The following PIK3C2G variants were observed in gnomAD, a reference collection of about 807,000 sequenced individuals.
PIK3C2G encodes phosphatidylinositol 3-kinase C2 domain-containing subunit gamma.
In PIK3C2G, 168 loss-of-function variants were observed where a neutral mutation model predicts 181.1. The observed-to-expected ratio is 0.93, with a 90% confidence interval of 0.82 to 1.05. The LOEUF (loss-of-function observed/expected upper bound fraction) is 1.05, where lower values mean the gene tolerates loss of function less well. Among genes scored for constraint, PIK3C2G ranks in the 50% least tolerant of loss-of-function variants. The pLI, the probability that PIK3C2G is intolerant of heterozygous loss-of-function variation, is 0.00. For synonymous variants in PIK3C2G, 573 were observed against 592.2 expected, an observed-to-expected ratio of 0.97 and a Z score of 0.47; for missense variants, 1,869 against 1,732.8, an observed-to-expected ratio of 1.08 and a Z score of -1.40.
chr12:18,314,062 A>C lies in PIK3C2G; in HGVS notation c.1135A>C (p.Lys379Gln). The C allele has an allele frequency of 6.6e-7, 1 of 1,506,836 alleles. No homozygotes were observed. Among genetic ancestry groups the C allele is most frequent in the Non-Finnish European group, 9.1e-7 (1 of 1,097,220 alleles). 93.3% of individuals were successfully genotyped at this position (1,506,836 alleles called of 1,614,324 possible). A position where few individuals can be genotyped will look rare whatever the true frequency, so the allele number is the denominator to read the frequency against. Reference protein sequence around the residue: ...SREAPGKLSRKHEEDHSQFYL... With the variant: ...SREAPGKLSRQHEEDHSQFYL... ...GGAAGCTCCAGGAAAGCTATCTCGA[A>C]AGGTAAGACTTTCTTAGCATTGGTT... The change falls in exon 6 of 33, where the codon AAG (lysine) becomes CAG (glutamine). Residue 379 changes from lysine (K) to glutamine (Q), a missense_variant and splice_region_variant. Coordinates refer to ENST00000538779, the MANE Select transcript of PIK3C2G (RefSeq NM_001288772.2).
upstream of PIK3C2G, among the ~76,000 whole-genome samples, chr12:18,257,671 A>C (rs2136977462): frequency 6.6e-6 from 1 of 151,812 alleles, no homozygotes; most frequent in African/African-American, 2.4e-5. Flanking sequence ...AAAGAAAGAA[A>C]GAGAGAAAGA....
At chr12:18,452,766 C>A (rs1246275051) in intron 18 of PIK3C2G, among the ~76,000 whole-genome samples, 2 of 151,998 alleles carry the variant, frequency 1.3e-5, no homozygotes. Flanking sequence ...GTACATTGTG[C>A]CTTTTTCTCA....
Position 18,537,088 on chromosome 12 carries a change from T to C in PIK3C2G, c.3324-1068T>C, listed in dbSNP as rs1333405994. On this transcript the variant is annotated intron_variant, in intron 24 of 32. Coordinates refer to ENST00000538779, the MANE Select transcript of PIK3C2G (RefSeq NM_001288772.2). ...CCCCCTGTCCCAAACCTGCCACAAA[T>C]TGACGAAGTTGTAGCTTTCTGATAT... 2.2e-4 allele frequency among the ~76,000 whole-genome samples: 33 copies of C among 152,090 alleles called. 1 individual carries two copies. Among genetic ancestry groups the C allele is most frequent in the Admixed American group, 2.1e-3 (32 of 15,234 alleles).
intron 31 of PIK3C2G, among the ~76,000 whole-genome samples, chr12:18,625,925 G>T (rs543348769): frequency 2.0e-5 from 3 of 151,766 alleles, no homozygotes; most frequent in African/African-American, 7.2e-5. Flanking sequence ...TGAAGTGAAC[G>T]TCTTGCAGAC....
intron 5 of PIK3C2G, among the ~76,000 whole-genome samples, chr12:18,294,774 A>G (rs898464945): frequency 1.3e-5 from 2 of 152,034 alleles, no homozygotes; most frequent in African/African-American, 4.8e-5. Context: ...CGTTTAATAC[A>G]GTAGATCCCT....
downstream of PIK3C2G, among the ~76,000 whole-genome samples, chr12:18,653,180 C>T (rs377649122): frequency 7.9e-5 from 12 of 152,132 alleles, no homozygotes; most frequent in African/African-American, 2.9e-4. Context: ...CAGAGACCCA[C>T]TCCCAGCATT....
the PIK3C2G span, chr12:18,688,022 CAT>C: frequency 1.9e-6 from 3 of 1,578,958 alleles, no homozygotes; most frequent in East Asian, 6.8e-5. Context: ...ACTCTATCAA[CAT>C]ATAATTTGTA....
chr12:18,316,063 A>G (rs570651111), intron 6 of PIK3C2G, among the ~76,000 whole-genome samples: 2 of 152,238 alleles, frequency 1.3e-5, no homozygotes, highest in South Asian at 2.1e-4. Flanking sequence ...AGTCCTTTAA[A>G]TGAATTAATT....
At chr12:18,253,167 G>A (rs1948111278) in intron 1 of PIK3C2G, among the ~76,000 whole-genome samples, 1 of 152,080 alleles carries the variant, frequency 6.6e-6, no homozygotes, top group Non-Finnish European at 1.5e-5. Context: ...TTTAAAAGCT[G>A]TGCTACAAAA....
intron 12 of PIK3C2G, among the ~76,000 whole-genome samples, chr12:18,365,328 T>C (rs540729749): frequency 6.6e-6 from 1 of 152,354 alleles, no homozygotes; most frequent in African/African-American, 2.4e-5. Context: ...GCTACCCCAT[T>C]TCTTTTCTCT....
intron 25 of PIK3C2G, among the ~76,000 whole-genome samples, chr12:18,540,555 C>A (rs1944098203): frequency 6.6e-6 from 1 of 151,780 alleles, no homozygotes; most frequent in African/African-American, 2.4e-5. Context: ...ATATGTTAAA[C>A]AATCACCAAA....
chr12:18,369,156 G>T (rs959829794), intron 12 of PIK3C2G, among the ~76,000 whole-genome samples: 1 of 152,096 alleles, frequency 6.6e-6, no homozygotes, highest in Non-Finnish European at 1.5e-5. Flanking sequence ...TGGCCATCAG[G>T]TATCATCCCA....
exon 1 of PIK3C2G, chr12:18,247,762 T>A (rs1253850808): frequency 6.6e-6 from 1 of 152,200 alleles, no homozygotes; most frequent in African/African-American, 2.4e-5. Flanking sequence ...CTTGAACATG[T>A]CTAGTCCTTA....
At chr12:18,436,883 G>T (rs1040499090) in intron 18 of PIK3C2G, among the ~76,000 whole-genome samples, 1 of 151,898 alleles carries the variant, frequency 6.6e-6, no homozygotes, top group East Asian at 1.9e-4. Context: ...ATTTAAAAAC[G>T]ATGTTTATTT....
At chr12:18,382,847 G>A (rs1942929732) in intron 14 of PIK3C2G, among the ~76,000 whole-genome samples, 1 of 152,174 alleles carries the variant, frequency 6.6e-6, no homozygotes, top group Admixed American at 6.5e-5. Flanking sequence ...GTGGTGAGGG[G>A]TTTGGGACAT....
chr12:18,658,357 A>G, the PIK3C2G span, among the ~76,000 whole-genome samples: 22 of 152,264 alleles, frequency 1.4e-4, no homozygotes, highest in Middle Eastern at 3.4e-3. Flanking sequence ...TCTAAGTAGG[A>G]TAAACATAAC....
chr12:18,650,721 T>TTCC (rs1950462576), downstream of PIK3C2G, among the ~76,000 whole-genome samples: 1 of 11,530 alleles, frequency 8.7e-5, no homozygotes, highest in African/African-American at 7.2e-4. Flanking sequence ...TCTATATATA[T>TTCC]ATATATATAT....
chr12:18,573,590 T>G (rs1592619077), intron 29 of PIK3C2G, among the ~76,000 whole-genome samples: 1 of 152,350 alleles, frequency 6.6e-6, no homozygotes, highest in Non-Finnish European at 1.5e-5. Flanking sequence ...CATTATCTTG[T>G]TGGCTGTCTA....
At chr12:18,650,672 G>A (rs1489525239), downstream of PIK3C2G, among the ~76,000 whole-genome samples, 4 of 20,618 alleles carry the variant, frequency 1.9e-4, 1 homozygote, top group Non-Finnish European at 3.5e-4. Context: ...AAATGTGTGT[G>A]TGTGTGTGTG....
Sources: gnomAD v4.1 joint callset for allele counts (sites outside exome capture counted in the v4.1 genomes callset) on GRCh38, gnomAD v4.1.1 for gene constraint, MANE v1.5 for transcripts, NCBI Gene and HGNC (gene_info 2026-07-23, HGNC 2026-07-21) for gene names.